Variants in GRID2 observed in about 807,000 individuals in gnomAD.
GRID2 encodes glutamate receptor ionotropic, delta-2.
Under a neutral mutation model 114.8 loss-of-function variants are expected in GRID2, and 33 were observed. That is an observed-to-expected ratio of 0.29 (90% CI 0.22 to 0.38). The LOEUF is 0.38. GRID2 is among the 10% of genes least tolerant of loss of function. The pLI is 1.00. For missense variants in GRID2, 1,184 were observed against 1,257.7 expected (o/e 0.94, Z 0.89); for synonymous variants, 505 against 449.9 (o/e 1.12, Z -1.55).
At chr4:93,758,581 C>T (rs1412210129) in intron 14 of GRID2, among the ~76,000 whole-genome samples, 1 of 152,174 alleles carries the variant, frequency 6.6e-6, no homozygotes, top group Non-Finnish European at 1.5e-5. Context: ...AAGTATCCTT[C>T]TTAATCTTCT....
At chr4:93,596,042 G>A (rs1739048494) in intron 13 of GRID2, among the ~76,000 whole-genome samples, 1 of 152,148 alleles carries the variant, frequency 6.6e-6, no homozygotes, top group African/African-American at 2.4e-5. Flanking sequence ...TTCTACATCT[G>A]TGTGGCAGAA....
intron 14 of GRID2, among the ~76,000 whole-genome samples, chr4:93,664,977 G>T (rs1294818832): frequency 6.6e-6 from 1 of 152,150 alleles, no homozygotes; most frequent in Non-Finnish European, 1.5e-5. Context: ...CATGACAGTA[G>T]GTGTGGGGTT....
chr4:92,653,253 C>G (rs968336753), intron 2 of GRID2, among the ~76,000 whole-genome samples: 2 of 150,232 alleles, frequency 1.3e-5, no homozygotes, highest in Non-Finnish European at 3.0e-5. Context: ...CCCCGCTCGG[C>G]CTCCCAAAGT....
At chr4:92,733,984 G>A (rs1231145869) in intron 2 of GRID2, among the ~76,000 whole-genome samples, 2 of 152,036 alleles carry the variant, frequency 1.3e-5, no homozygotes, top group African/African-American at 4.8e-5. Flanking sequence ...TGAAAGGGAA[G>A]ATCTATCCAC....
Position 92,818,174 on chromosome 4 carries a change from C to T in GRID2, c.244+227888C>T, listed in dbSNP as rs568571373. Among the ~76,000 whole-genome samples the T allele has an allele frequency of 5.3e-5, 8 of 152,218 alleles. No individual in the cohort carries two copies. In the South Asian group the frequency reaches 1.4e-3, roughly 28 times the overall value. On this transcript the variant is annotated intron_variant, in intron 2 of 15. Coordinates refer to ENST00000282020, the MANE Select transcript of GRID2 (RefSeq NM_001510.4). Reference sequence around the variant, plus strand: ...TAAACTTCAACTGTGAACTTTATGTCTGTTATTCCCACTTAATTATAAACT... The same window carrying T: ...TAAACTTCAACTGTGAACTTTATGTTTGTTATTCCCACTTAATTATAAACT...
At chr4:92,643,845 T>C (rs1472866134) in intron 2 of GRID2, among the ~76,000 whole-genome samples, 2 of 151,790 alleles carry the variant, frequency 1.3e-5, no homozygotes, top group Non-Finnish European at 2.9e-5. Context: ...ATGAGCAAAT[T>C]TGAGCTCTTC....
intron 2 of GRID2, among the ~76,000 whole-genome samples, chr4:92,887,430 G>T (rs1746450832): frequency 1.3e-5 from 2 of 152,182 alleles, no homozygotes; most frequent in South Asian, 4.1e-4. Flanking sequence ...GGTCAGAGAA[G>T]TTCCTTTTAA....
At chr4:93,032,108 A>G (rs1447223772) in intron 2 of GRID2, among the ~76,000 whole-genome samples, 1 of 152,116 alleles carries the variant, frequency 6.6e-6, no homozygotes, top group Non-Finnish European at 1.5e-5. Context: ...GGAAAACTAT[A>G]CTCAATTTCA....
At chr4:93,454,665 A>G (rs929523706) in intron 10 of GRID2, among the ~76,000 whole-genome samples, 3 of 152,104 alleles carry the variant, frequency 2.0e-5, no homozygotes, top group Non-Finnish European at 2.9e-5. Flanking sequence ...TTAGCATTCT[A>G]CTAGGGATGT....
chr4:93,428,632 A>G (rs755065040), intron 10 of GRID2, among the ~76,000 whole-genome samples: 2 of 152,176 alleles, frequency 1.3e-5, no homozygotes, highest in Non-Finnish European at 2.9e-5. Context: ...TTGAATTACA[A>G]TTGTGTGAGG....
At chr4:93,591,698 G>T (rs1211723851) in intron 13 of GRID2, among the ~76,000 whole-genome samples, 1 of 152,066 alleles carries the variant, frequency 6.6e-6, no homozygotes, top group Non-Finnish European at 1.5e-5. Flanking sequence ...GACTCTTTTT[G>T]GTTGGTAAGG....
At position 92,976,890 on chromosome 4, in the gene GRID2, A is replaced by G. The variant is rs77762385; in HGVS notation, c.245-108105A>G. Reference sequence around the variant, plus strand: ...TATCTTTATGAAATCATACACTCTTACATTAAAGTAGGAACCCATGTTACG... The same window carrying G: ...TATCTTTATGAAATCATACACTCTTGCATTAAAGTAGGAACCCATGTTACG... On this transcript the variant is annotated intron_variant, in intron 2 of 15. Coordinates refer to ENST00000282020, the MANE Select transcript of GRID2 (RefSeq NM_001510.4). Among the ~76,000 whole-genome samples, 1,128 of 152,272 alleles carry G rather than the reference A, an allele frequency of 7.4e-3. 15 individuals are homozygous for G. The highest frequency in any genetic ancestry group is 0.026 in the African/African-American group (1,072 of 41,564).
Position 93,490,739 on chromosome 4 carries a change from T to C in GRID2, c.1959T>C (p.Ala653=). 1 of 1,610,952 alleles carries C rather than the reference T, an allele frequency of 6.2e-7. No individual in the cohort carries two copies. ...TCTCATCTTACACGGCAAACCTCGC[T>C]GCTTTCCTCACTATTACACGCATTG... ...IVISSYTANL[A]AFLTITRIES... is the part of the protein sequence containing the mutation. The change falls in exon 12 of 16, where the codon GCT becomes GCC. Residue 653 remains alanine (A), a synonymous_variant. Transcript: ENST00000282020.
intron 8 of GRID2, among the ~76,000 whole-genome samples, chr4:93,284,854 A>G (rs1235718191): frequency 1.3e-5 from 2 of 152,048 alleles, no homozygotes; most frequent in African/African-American, 2.4e-5. Flanking sequence ...GGTTCCTTCA[A>G]AATAAATCAG....
Position 92,505,051 on chromosome 4 carries a change from C to T in GRID2, c.89-85080C>T, listed in dbSNP as rs185092967. ...AGAGAAAATGTAACTTAAGATGGTG[C>T]GAAGATGGCATCAAGTAGTAGAGTT... is the stretch of plus-strand genomic sequence containing the variant. On this transcript the variant is annotated intron_variant, in intron 1 of 15. Transcript: ENST00000282020. 1.1e-4 allele frequency among the ~76,000 whole-genome samples: 17 copies of T among 151,926 alleles called. No homozygotes were observed. The East Asian group carries it at 1.5e-3, about 14-fold the overall frequency.
chr4:93,473,816 T>C (rs1254346032), intron 11 of GRID2, among the ~76,000 whole-genome samples: 1 of 152,148 alleles, frequency 6.6e-6, no homozygotes, highest in Non-Finnish European at 1.5e-5. Flanking sequence ...TTTTCAAATA[T>C]TGTAAGAGTC....
intron 2 of GRID2, among the ~76,000 whole-genome samples, chr4:92,652,501 G>C (rs1731991913): frequency 6.6e-6 from 1 of 151,166 alleles, no homozygotes; most frequent in African/African-American, 2.4e-5. Flanking sequence ...ACCATTTTAT[G>C]ACCCTGTCTC....
intron 2 of GRID2, among the ~76,000 whole-genome samples, chr4:92,812,037 T>A (rs1250891005): frequency 6.6e-6 from 1 of 152,168 alleles, no homozygotes; most frequent in Admixed American, 6.5e-5. Flanking sequence ...TACAATATTC[T>A]ATATATTAAA....
At chr4:93,187,902 C>G (rs1740590995) in intron 4 of GRID2, among the ~76,000 whole-genome samples, 1 of 152,210 alleles carries the variant, frequency 6.6e-6, no homozygotes, top group African/African-American at 2.4e-5. Context: ...GATATCCTGC[C>G]TTTCAGGCAC....
Sources: gnomAD v4.1 joint callset for allele counts (sites outside exome capture counted in the v4.1 genomes callset) on GRCh38, gnomAD v4.1.1 for gene constraint, MANE v1.5 for transcripts, NCBI Gene and HGNC (gene_info 2026-07-23, HGNC 2026-07-21) for gene names.